UMOD: variants seen among roughly 807,000 people sequenced by gnomAD.
UMOD encodes Tamm-Horsfall urinary glycoprotein.
UMOD carries 64 observed loss-of-function variants against 66.0 expected under a neutral mutation model. That is an observed-to-expected ratio of 0.97 (90% CI 0.79 to 1.19). The LOEUF is 1.19. Ranked by LOEUF, UMOD falls within the 50% of genes most tolerant of loss-of-function variation. The probability of loss-of-function intolerance (pLI) is 0.00; values close to 1 mark genes in which losing one functional copy is unlikely to be tolerated. For synonymous variants in UMOD, 398 were observed against 352.7 expected, an observed-to-expected ratio of 1.13 and a Z score of -1.44; for missense variants, 764 against 850.9, an observed-to-expected ratio of 0.90 and a Z score of 1.27.
chr16:20,352,805 T>C (rs192324340), upstream of UMOD: 4 of 1,128,242 alleles, frequency 3.5e-6, no homozygotes, highest in Admixed American at 1.7e-4. Flanking sequence ...TTTTTTGATA[T>C]TGTTTTCTTG....
At chr16:20,345,330 TTTTC>T (rs10656659) in intron 5 of UMOD, among the ~76,000 whole-genome samples, 4,216 of 150,858 alleles carry the variant, frequency 0.028, 152 homozygotes, top group South Asian at 0.11. Flanking sequence ...AAATCTTTCT[TTTTC>T]TTTCTTTCTT....
At chr16:20,334,031 T>TC (rs1964739430) in intron 10 of UMOD, among the ~76,000 whole-genome samples, 1 of 35,618 alleles carries the variant, frequency 2.8e-5, no homozygotes, top group Non-Finnish European at 4.6e-5. Context: ...AGATTCCATC[T>TC]CAAAAAAAAA....
intron 4 of UMOD, among the ~76,000 whole-genome samples, chr16:20,347,795 G>A (rs1314743735): frequency 6.6e-6 from 1 of 152,192 alleles, no homozygotes; most frequent in Non-Finnish European, 1.5e-5. Flanking sequence ...GAAATCTGAG[G>A]CTTGTGCCTG....
chr16:20,346,124 AC>A lies in UMOD; in HGVS notation c.1182+1del. On this transcript the variant is annotated splice_donor_variant, in intron 5 of 10. Transcript: ENST00000396138. LOFTEE classifies it high-confidence loss of function. The stretch of plus-strand genomic sequence containing the variant: ...TTCTGTCCCCCACTGGCCAGGACGT[AC>A]CGTCAACACTGTCCCACAGGGGCCA... The A allele has an allele frequency of 6.2e-7, 1 of 1,613,482 alleles. No homozygotes were observed. Among genetic ancestry groups the A allele is most frequent in the Middle Eastern group, 1.8e-4 (1 of 5,590 alleles).
upstream of UMOD, among the ~76,000 whole-genome samples, chr16:20,355,421 T>C (rs544627368): frequency 1.1e-4 from 17 of 151,702 alleles, no homozygotes; most frequent in South Asian, 3.6e-3. Context: ...TTTTTTTTTT[T>C]TTAATGGAGT....
chr16:20,341,852 G>A (rs1965241768), intron 6 of UMOD, among the ~76,000 whole-genome samples: 1 of 152,216 alleles, frequency 6.6e-6, no homozygotes, highest in African/African-American at 2.4e-5. Context: ...AGAAGATTGA[G>A]GTTTATAAAT....
At chr16:20,334,180 C>A (rs1045524781) in intron 10 of UMOD, among the ~76,000 whole-genome samples, 14 of 152,148 alleles carry the variant, frequency 9.2e-5, no homozygotes, top group Non-Finnish European at 1.6e-4. Context: ...TGCCACCTGT[C>A]CCTGGCCTTT....
intron 6 of UMOD, among the ~76,000 whole-genome samples, chr16:20,341,837 A>G (rs1228012928): frequency 6.6e-6 from 1 of 152,268 alleles, no homozygotes; most frequent in Non-Finnish European, 1.5e-5. Context: ...ACTAACATCT[A>G]TATCAGAAGA....
Position 20,349,121 on chromosome 16 carries a change from G to T in UMOD, c.180C>A (p.Gly60=), listed in dbSNP as rs1434689285. Residue 60 remains glycine, a synonymous_variant, in exon 3 of 11, where the codon GGC becomes GGA. Coordinates refer to ENST00000396138, the MANE Select transcript of UMOD (RefSeq NM_003361.4). Reference sequence around the variant, plus strand: ...ACTCATCCAGGTCCACGCAGGTCAGGCCATCGCCGGTGAAGCCCTCCTGAC... The same window carrying T: ...ACTCATCCAGGTCCACGCAGGTCAGTCCATCGCCGGTGAAGCCCTCCTGAC... ...CTCQEGFTGD[G]LTCVDLDECA... is the part of the protein sequence containing the mutation. The T allele has an allele frequency of 6.2e-7, 1 of 1,613,896 alleles. No homozygotes were observed. Among genetic ancestry groups the T allele is most frequent in the Non-Finnish European group, 8.5e-7 (1 of 1,179,982 alleles).
At position 20,350,718 on chromosome 16, in the gene UMOD, G is replaced by A. The variant is rs1342672055; in HGVS notation, c.20C>T (p.Thr7Ile). 2 of 1,614,076 alleles carry A rather than the reference G, an allele frequency of 1.2e-6. No individual in the cohort carries two copies. The highest frequency in any genetic ancestry group is 1.7e-6 in the Non-Finnish European group (2 of 1,180,032). ...GGCCACCACCACCATCAGCATCCAAGTCAGAGATGGCTGCCCCATCCTTTC... is the reference window on the plus strand; with the variant it reads ...GGCCACCACCACCATCAGCATCCAAATCAGAGATGGCTGCCCCATCCTTTC... Reference protein sequence around the residue: MGQPSLTWMLMVVVASW... With the variant: MGQPSLIWMLMVVVASW... Residue 7 changes from threonine to isoleucine, a missense_variant, in exon 2 of 11, where the codon ACT (threonine) becomes ATT (isoleucine). Thr to Ile is a moderately conservative substitution (Grantham distance 89, BLOSUM62 -1). Transcript: ENST00000396138.
chr16:20,346,111 C>A lies in UMOD; in HGVS notation c.1182+15G>T. On this transcript the variant is annotated intron_variant, in intron 5 of 10. Transcript: ENST00000396138. ...GGCAGTGCTCTGGTTCTGTCCCCCA[C>A]TGGCCAGGACGTACCGTCAACACTG... The A allele has an allele frequency of 6.2e-7, 1 of 1,611,890 alleles. No homozygotes were observed. Among genetic ancestry groups the A allele is most frequent in the Middle Eastern group, 1.9e-4 (1 of 5,352 alleles).
Position 20,348,600 on chromosome 16 carries a change from G to C in UMOD, c.701C>G (p.Thr234Arg). 2 of 1,589,996 alleles carry C rather than the reference G, an allele frequency of 1.3e-6. No individual in the cohort carries two copies. Reference sequence around the variant, plus strand: ...GATGCCCTCGTCGCTGGACGGATGCGTGCCATTGAGCCACATGGGGGCGGC... The same window carrying C: ...GATGCCCTCGTCGCTGGACGGATGCCTGCCATTGAGCCACATGGGGGCGGC... ...NTAAPMWLNGTHPSSDEGIVS... is the reference protein window; with the variant it reads ...NTAAPMWLNGRHPSSDEGIVS... The change falls in exon 3 of 11, where the codon ACG (threonine) becomes AGG (arginine). Residue 234 changes from threonine (T) to arginine (R), a missense_variant. Transcript: ENST00000396138.
At chr16:20,341,636 C>T (rs1345367651) in intron 6 of UMOD, among the ~76,000 whole-genome samples, 3 of 152,192 alleles carry the variant, frequency 2.0e-5, no homozygotes, top group Non-Finnish European at 4.4e-5. Context: ...AATCACATCT[C>T]AAGTAACACA....
intron 4 of UMOD, among the ~76,000 whole-genome samples, chr16:20,347,299 A>G (rs1567308283): frequency 6.6e-6 from 1 of 152,222 alleles, no homozygotes; most frequent in Non-Finnish European, 1.5e-5. Flanking sequence ...CTGGGATTAC[A>G]GGCATGAGCC....
chr16:20,341,573 C>T (rs1321276653), intron 6 of UMOD, among the ~76,000 whole-genome samples: 1 of 152,126 alleles, frequency 6.6e-6, no homozygotes, highest in Non-Finnish European at 1.5e-5. Flanking sequence ...GGCTCAAGGT[C>T]CTGCATTTCT....
chr16:20,350,608 G>T, intron 2 of UMOD, 42 bp downstream of exon 2: 1 of 1,609,304 alleles, frequency 6.2e-7, no homozygotes, highest in South Asian at 1.1e-5. Flanking sequence ...ACACATACAC[G>T]TGCATACACA....
intron 10 of UMOD, among the ~76,000 whole-genome samples, chr16:20,334,186 C>T (rs1964751906): frequency 6.6e-6 from 1 of 152,262 alleles, no homozygotes; most frequent in African/African-American, 2.4e-5. Context: ...CTGTCCCTGG[C>T]CTTTGTGGTC....
Position 20,348,734 on chromosome 16 carries a change from G to A in UMOD, c.567C>T (p.Tyr189=), listed in dbSNP as rs387907553. ...CCGTGTCGCAGGCGTAGCCCTCCCC[G>A]TACTCGGTGCTGCGCCAGTACTCGT... ...TLDEYWRSTE[Y]GEGYACDTDL... Residue 189 remains tyrosine, a synonymous_variant, in exon 3 of 11, where the codon TAC becomes TAT. Coordinates refer to ENST00000396138, the MANE Select transcript of UMOD (RefSeq NM_003361.4). 1.8e-4 allele frequency: 271 copies of A among 1,546,164 alleles called. No individual in the cohort carries two copies. Among genetic ancestry groups the A allele is most frequent in the Non-Finnish European group, 2.2e-4 (258 of 1,146,788 alleles).
intron 1 of UMOD, among the ~76,000 whole-genome samples, chr16:20,352,018 C>CA: frequency 7.1e-6 from 1 of 141,470 alleles, no homozygotes; most frequent in African/African-American, 2.8e-5. Flanking sequence ...CATCCCCCCC[C>CA]CCCAAAAAAA....
Sources: gnomAD v4.1 joint callset for allele counts (sites outside exome capture counted in the v4.1 genomes callset) on GRCh38, gnomAD v4.1.1 for gene constraint, MANE v1.5 for transcripts, NCBI Gene and HGNC (gene_info 2026-07-23, HGNC 2026-07-21) for gene names.